SCN9A: variants seen among roughly 807,000 people sequenced by gnomAD.
The protein encoded by SCN9A is sodium voltage-gated channel alpha subunit 9.
A neutral mutation model predicts 187.0 loss-of-function variants in SCN9A; 131 were observed. The observed-to-expected ratio is 0.70, with a 90% CI of 0.61 to 0.81. The LOEUF (loss-of-function observed/expected upper bound fraction) is 0.81. SCN9A is among the 30% of genes least tolerant of loss of function. SCN9A has a pLI of 0.00. For missense variants in SCN9A, 2,252 were observed against 2,396.6 expected (o/e 0.94, Z 1.26); for synonymous variants, 809 against 808.6 (o/e 1.00, Z -0.01).
chr2:166,348,162 A>G (rs141757967), intron 1 of SCN9A, among the ~76,000 whole-genome samples: 1 of 152,116 alleles, frequency 6.6e-6, no homozygotes, highest in Non-Finnish European at 1.5e-5. Context: ...TAGTTAATAT[A>G]CCACCTTAGC....
intron 24 of SCN9A, among the ~76,000 whole-genome samples, chr2:166,213,481 AATAATAATAATAATG>A (rs1443460882): frequency 2.0e-4 from 30 of 147,660 alleles, no homozygotes; most frequent in African/African-American, 6.9e-4. Flanking sequence ...TAATAATAAT[AATAATAATAATAATG>A]ATAATGATAG....
At position 166,375,780 on chromosome 2, in the gene SCN9A, G is replaced by C. The variant is rs1044693655; in HGVS notation, c.-134C>G. Reference sequence around the variant, plus strand: ...AGAGGGCGCGGGCCTCTCCTTCCCCGGCGCTCTCTCAGGGCTGCTTCTTTT... The same window carrying C: ...AGAGGGCGCGGGCCTCTCCTTCCCCCGCGCTCTCTCAGGGCTGCTTCTTTT... On this transcript the variant is annotated 5_prime_UTR_variant, in exon 1 of 27. Transcript: ENST00000642356. 2 of 152,318 alleles carry C rather than the reference G, an allele frequency of 1.3e-5. No homozygotes were observed. The highest frequency in any genetic ancestry group is 2.9e-5 in the Non-Finnish European group (2 of 68,168). 9.4% of individuals were successfully genotyped at this position (152,318 alleles called of 1,614,324 possible).
At chr2:166,235,835 C>T (rs1212654829) in intron 20 of SCN9A, among the ~76,000 whole-genome samples, 1 of 151,966 alleles carries the variant, frequency 6.6e-6, no homozygotes, top group East Asian at 1.9e-4. Flanking sequence ...TGTTTATCTC[C>T]CTGATTTCTG....
intron 1 of SCN9A, among the ~76,000 whole-genome samples, chr2:166,363,163 T>G (rs575158631): frequency 2.5e-4 from 38 of 150,034 alleles, no homozygotes; most frequent in Non-Finnish European, 4.6e-4. Context: ...GTGACTTTAC[T>G]AAAAATTAAC....
At chr2:166,260,548 G>A (rs1232231714) in intron 17 of SCN9A, among the ~76,000 whole-genome samples, 1 of 151,726 alleles carries the variant, frequency 6.6e-6, no homozygotes, top group African/African-American at 2.4e-5. Context: ...ATAATTTTTT[G>A]TATATTTACC....
chr2:166,305,379 T>C lies in SCN9A; in HGVS notation c.596+413A>G, dbSNP rs115847294. ...TTTTACAAATATATACTTTTATATT[T>C]TAATACAAAAATATAAAATAATTGA... On this transcript the variant is annotated intron_variant, in intron 5 of 26. Coordinates refer to ENST00000642356, the MANE Select transcript of SCN9A (RefSeq NM_001365536.1). Among the ~76,000 whole-genome samples the C allele has an allele frequency of 9.2e-3, 1,393 of 152,184 alleles. 11 individuals carry two copies. The highest frequency in any genetic ancestry group is 0.016 in the Non-Finnish European group (1,095 of 67,964).
At position 166,227,976 on chromosome 2, in the gene SCN9A, T is replaced by C. The variant is rs139878626; in HGVS notation, c.4207-253A>G. Among the ~76,000 whole-genome samples, 1,279 of 152,270 alleles carry C rather than the reference T, an allele frequency of 8.4e-3. 57 individuals carry two copies. Among genetic ancestry groups the C allele is most frequent in the Admixed American group, 0.078 (1,191 of 15,290 alleles). Reference sequence around the variant, plus strand: ...TGTGAATTTCGCACATAACCTTTTATTTTTTAAAGGTGAAGGAAAATTTTA... The same window carrying C: ...TGTGAATTTCGCACATAACCTTTTACTTTTTAAAGGTGAAGGAAAATTTTA... On this transcript the variant is annotated intron_variant, in intron 22 of 26. Coordinates refer to ENST00000642356, the MANE Select transcript of SCN9A (RefSeq NM_001365536.1).
chr2:166,238,374 A>G, intron 19 of SCN9A, 107 bp from the exon 20 acceptor site: 3 of 746,420 alleles, frequency 4.0e-6, no homozygotes, highest in Non-Finnish European at 4.3e-6. Context: ...CTGAAACATA[A>G]TATTGACATG....
chr2:166,249,093 A>C (rs1417844057), intron 18 of SCN9A, among the ~76,000 whole-genome samples: 1 of 151,964 alleles, frequency 6.6e-6, no homozygotes, highest in African/African-American at 2.4e-5. Context: ...ACTCTGCCTA[A>C]AATACTTTCC....
At chr2:166,281,656 A>T (rs199810476) in intron 13 of SCN9A, 23 bp downstream of exon 13, 1 of 1,602,996 alleles carries the variant, frequency 6.2e-7, no homozygotes, top group Non-Finnish European at 8.5e-7. Context: ...GAATCTGTAC[A>T]GTAAAAGAAG....
rs752123654 is a variant in SCN9A at position 166,370,192 on chromosome 2, AAATAATAAT to A, written c.-51+5496_-51+5504del. On this transcript the variant is annotated intron_variant, in intron 1 of 26. Transcript: ENST00000642356. ...CATCCAGTGAAATTACCCCCAGTTA[AAATAATAAT>A]AATAATAATAATAATAATAATAATA... Among the ~76,000 whole-genome samples, 1,106 of 141,358 alleles carry A rather than the reference AAATAATAAT, an allele frequency of 7.8e-3. 16 individuals are homozygous for A. The highest frequency in any genetic ancestry group is 0.014 in the Non-Finnish European group (901 of 65,622). 92.7% of individuals were successfully genotyped at this position (141,358 alleles called of 152,430 possible). A position where few individuals can be genotyped will look rare whatever the true frequency, so the allele number is the denominator to read the frequency against.
At chr2:166,210,606 G>C (rs1212932304) in intron 24 of SCN9A, among the ~76,000 whole-genome samples, 1 of 150,702 alleles carries the variant, frequency 6.6e-6, no homozygotes, top group African/African-American at 2.4e-5. Flanking sequence ...AAGGTTCATG[G>C]GACATCATTA....
intron 1 of SCN9A, among the ~76,000 whole-genome samples, chr2:166,368,746 G>A (rs111624869): frequency 0.011 from 1,704 of 150,066 alleles, 13 homozygotes; most frequent in South Asian, 0.015. Context: ...CCAGCACTTT[G>A]GGGGGCCTAG....
intron 1 of SCN9A, among the ~76,000 whole-genome samples, chr2:166,337,231 C>T (rs536089884): frequency 6.6e-6 from 1 of 152,074 alleles, no homozygotes; most frequent in Non-Finnish European, 1.5e-5. Flanking sequence ...TTTCAGGTAT[C>T]TGACTTGGCC....
At chr2:166,361,064 T>G (rs1323876978) in intron 1 of SCN9A, among the ~76,000 whole-genome samples, 1 of 152,188 alleles carries the variant, frequency 6.6e-6, no homozygotes, top group Non-Finnish European at 1.5e-5. Context: ...GGGAATTTAA[T>G]TAACTTCTCT....
At chr2:166,299,393 C>T (rs1698460373) in intron 7 of SCN9A, among the ~76,000 whole-genome samples, 1 of 150,842 alleles carries the variant, frequency 6.6e-6, no homozygotes, top group Admixed American at 6.6e-5. Context: ...TGATGACTTC[C>T]CTGTTACTTA....
At chr2:166,325,110 C>T (rs566133697) in intron 1 of SCN9A, among the ~76,000 whole-genome samples, 31 of 151,986 alleles carry the variant, frequency 2.0e-4, no homozygotes, top group Admixed American at 7.2e-4. Context: ...TAAATCTATT[C>T]CAAGACAAAA....
intron 24 of SCN9A, among the ~76,000 whole-genome samples, chr2:166,221,467 C>T (rs1318472005): frequency 1.3e-5 from 2 of 152,102 alleles, no homozygotes; most frequent in Non-Finnish European, 2.9e-5. Flanking sequence ...GTGGCATGAT[C>T]ATAGCTCACT....
chr2:166,304,056 T>A (rs766274346), intron 6 of SCN9A, 182 bp downstream of exon 6: 3 of 1,613,348 alleles, frequency 1.9e-6, no homozygotes, highest in Non-Finnish European at 2.5e-6. Flanking sequence ...TTGTTTTCAA[T>A]GCTCGGAGAA....
Sources: allele counts gnomAD v4.1 joint callset (sites outside exome capture counted in the v4.1 genomes callset), GRCh38; gene constraint gnomAD v4.1.1; transcripts MANE v1.5; gene names NCBI Gene and HGNC (gene_info 2026-07-23, HGNC 2026-07-21).